The following IL1RAPL1 variants were observed in gnomAD, a reference collection of about 807,000 sequenced individuals.
IL1RAPL1 encodes interleukin 1 receptor accessory protein like 1.
Under a neutral mutation model 48.4 loss-of-function variants are expected in IL1RAPL1, and 3 were observed. The observed-to-expected ratio is 0.06, with a 90% CI of 0.03 to 0.16. The LOEUF is 0.16. IL1RAPL1 is among the 10% of genes least tolerant of loss of function. IL1RAPL1 has a pLI of 1.00. For missense variants in IL1RAPL1, 349 were observed against 530.6 expected (o/e 0.66, Z 3.36); for synonymous variants, 185 against 187.7 (o/e 0.99, Z 0.12).
At chrX:29,589,089 A>T (rs1923281193) in intron 5 of IL1RAPL1, among the ~76,000 whole-genome samples, 1 of 111,823 alleles carries the variant, frequency 8.9e-6, no homozygotes, top group African/African-American at 3.2e-5. Flanking sequence ...CTGTATTATA[A>T]CAAGATCCCC....
At chrX:28,678,463 CAAAGTATG>C (rs1258139008) in intron 1 of IL1RAPL1, among the ~76,000 whole-genome samples, 3 of 111,285 alleles carry the variant, frequency 2.7e-5, no homozygotes, top group Non-Finnish European at 3.8e-5. Flanking sequence ...AACAGAGTTT[CAAAGTATG>C]TTTCAAGGCT....
At chrX:28,714,879 A>T (rs1307035872) in intron 1 of IL1RAPL1, among the ~76,000 whole-genome samples, 1 of 111,988 alleles carries the variant, frequency 8.9e-6, no homozygotes. Context: ...GCCAGTTGTA[A>T]ACATTAGATC....
At chrX:28,703,056 C>G (rs974106809) in intron 1 of IL1RAPL1, among the ~76,000 whole-genome samples, 1 of 111,596 alleles carries the variant, frequency 9.0e-6, no homozygotes, top group African/African-American at 3.3e-5. Context: ...CTTGCCCTTG[C>G]ATCAGACAAG....
At chrX:29,658,854 G>T (rs1286703317) in intron 5 of IL1RAPL1, among the ~76,000 whole-genome samples, 1 of 111,570 alleles carries the variant, frequency 9.0e-6, no homozygotes, top group South Asian at 3.7e-4. Flanking sequence ...TAGCTATTAT[G>T]ATATATGCAA....
chrX:28,762,776 G>A (rs1449364397), intron 1 of IL1RAPL1, among the ~76,000 whole-genome samples: 2 of 78,100 alleles, frequency 2.6e-5, no homozygotes, highest in South Asian at 7.4e-4. Context: ...AATCTAATAC[G>A]CACGCGCGCG....
chrX:29,304,907 G>T (rs756499631), intron 3 of IL1RAPL1, among the ~76,000 whole-genome samples: 1 of 112,089 alleles, frequency 8.9e-6, no homozygotes, highest in Non-Finnish European at 1.9e-5. Flanking sequence ...ATGTGTACAA[G>T]CAATGCCCTT....
chrX:29,633,148 A>G (rs1218741778), intron 5 of IL1RAPL1, among the ~76,000 whole-genome samples: 1 of 111,480 alleles, frequency 9.0e-6, no homozygotes. Flanking sequence ...ACATTCACAT[A>G]ATGGAATAAC....
chrX:28,721,977 A>G (rs1329534701), intron 1 of IL1RAPL1, among the ~76,000 whole-genome samples: 9 of 111,824 alleles, frequency 8.0e-5, no homozygotes, highest in Admixed American at 2.9e-4. Flanking sequence ...TACCAGTACC[A>G]TGCTGTTTTG....
At chrX:29,210,611 T>C (rs1231696659) in intron 2 of IL1RAPL1, among the ~76,000 whole-genome samples, 4 of 112,005 alleles carry the variant, frequency 3.6e-5, no homozygotes, top group Non-Finnish European at 3.8e-5. Flanking sequence ...TTCAGTCATA[T>C]TATCATGAAA....
At chrX:29,831,223 GA>G (rs1488027303) in intron 6 of IL1RAPL1, among the ~76,000 whole-genome samples, 1 of 111,431 alleles carries the variant, frequency 9.0e-6, no homozygotes, top group Non-Finnish European at 1.9e-5. Flanking sequence ...AAGGGCTCAG[GA>G]AAGAAAGAAC....
At chrX:29,472,723 C>T (rs962069011) in intron 5 of IL1RAPL1, among the ~76,000 whole-genome samples, 1 of 111,880 alleles carries the variant, frequency 8.9e-6, no homozygotes, top group Non-Finnish European at 1.9e-5. Context: ...AGTCACTTAA[C>T]CTTTCTGTGT....
intron 2 of IL1RAPL1, among the ~76,000 whole-genome samples, chrX:29,135,510 T>C (rs1929106495): frequency 1.8e-5 from 2 of 111,963 alleles, no homozygotes; most frequent in South Asian, 7.4e-4. Context: ...AAATGAATTA[T>C]ACAATAAATT....
intron 5 of IL1RAPL1, among the ~76,000 whole-genome samples, chrX:29,656,207 A>G (rs1415938290): frequency 1.8e-5 from 2 of 112,804 alleles, no homozygotes; most frequent in African/African-American, 3.2e-5. Flanking sequence ...TTCCATACTA[A>G]CTGAAGTATA....
chrX:29,206,658 A>G (rs1391003124), intron 2 of IL1RAPL1, among the ~76,000 whole-genome samples: 1 of 112,105 alleles, frequency 8.9e-6, no homozygotes, highest in Non-Finnish European at 1.9e-5. Flanking sequence ...ATCTCATTGC[A>G]TTTTTACATA....
intron 2 of IL1RAPL1, among the ~76,000 whole-genome samples, chrX:29,237,098 G>C (rs1054898715): frequency 9.0e-6 from 1 of 110,857 alleles, no homozygotes; most frequent in Non-Finnish European, 1.9e-5. Context: ...TTTTTATGAG[G>C]TTTCAACAAG....
At chrX:28,974,302 T>A (rs1421937866) in intron 2 of IL1RAPL1, among the ~76,000 whole-genome samples, 1 of 112,388 alleles carries the variant, frequency 8.9e-6, no homozygotes, top group Non-Finnish European at 1.9e-5. Flanking sequence ...ATAATTAAAA[T>A]AAGCATAGGA....
intron 2 of IL1RAPL1, among the ~76,000 whole-genome samples, chrX:28,923,776 A>T (rs1923672504): frequency 9.0e-6 from 1 of 111,647 alleles, no homozygotes; most frequent in South Asian, 3.7e-4. Flanking sequence ...GAAAAAGCTT[A>T]AAACATGCTT....
chrX:29,917,467 A>T lies in IL1RAPL1; in HGVS notation c.782A>T (p.Asp261Val), dbSNP rs1486353222. ...TTTCCATCACTTCTCTCTGCAGGTG[A>T]CTCTGCTAATCTAACCTGCAGAGCT... ...KLTIQETQLG[D>V]SANLTCRAFF... The change falls in exon 7 of 11, where the codon GAC becomes GTC. Residue 261 changes from aspartate to valine, a missense_variant. Around this residue, in one of 3 missense-constraint regions of IL1RAPL1, gnomAD observed 238 missense variants for 337.8 expected, o/e 0.70. Transcript: ENST00000378993. 2.5e-6 allele frequency: 3 copies of T among 1,207,525 alleles called. No homozygotes were observed. Among genetic ancestry groups the T allele is most frequent in the South Asian group, 1.8e-5 (1 of 56,681 alleles).
At chrX:29,561,635 A>G (rs1216177994) in intron 5 of IL1RAPL1, among the ~76,000 whole-genome samples, 2 of 111,936 alleles carry the variant, frequency 1.8e-5, no homozygotes, top group East Asian at 5.6e-4. Context: ...CTCTCTTGGC[A>G]CTGAGCTGTG....
Sources: gnomAD v4.1 joint callset for allele counts (sites outside exome capture counted in the v4.1 genomes callset) on GRCh38, gnomAD v4.1.1 for gene constraint, gnomAD v4.1.1 regional missense constraint, MANE v1.5 for transcripts, NCBI Gene and HGNC (gene_info 2026-07-23, HGNC 2026-07-21) for gene names.